Variants in PIEZO2 observed in about 807,000 individuals in gnomAD.
The protein encoded by PIEZO2 is piezo type mechanosensitive ion channel component 2.
PIEZO2 carries 172 observed loss-of-function variants against 337.3 expected under a neutral mutation model. That is an observed-to-expected ratio of 0.51 (90% CI 0.45 to 0.58). The LOEUF (loss-of-function observed/expected upper bound fraction) is 0.58. PIEZO2 is among the 20% of genes least tolerant of loss of function. The probability of loss-of-function intolerance (pLI) is 0.00; values close to 1 mark genes in which losing one functional copy is unlikely to be tolerated. For missense variants in PIEZO2, 3,028 were observed against 3,391.3 expected (o/e 0.89, Z 2.66); for synonymous variants, 1,251 against 1,228.5 (o/e 1.02, Z -0.38).
chr18:10,994,699 C>T (rs1047845271), intron 2 of PIEZO2, among the ~76,000 whole-genome samples: 3 of 151,868 alleles, frequency 2.0e-5, no homozygotes, highest in African/African-American at 7.3e-5. Context: ...TGAGCCAGCA[C>T]ACCCAGCCTA....
chr18:10,840,311 C>T (rs1019250858), intron 7 of PIEZO2, among the ~76,000 whole-genome samples: 2 of 152,066 alleles, frequency 1.3e-5, no homozygotes, highest in African/African-American at 2.4e-5. Flanking sequence ...TTACTTTCAT[C>T]GAGATGCATG....
chr18:10,760,563 C>T (rs932730783), intron 24 of PIEZO2, among the ~76,000 whole-genome samples: 6 of 152,138 alleles, frequency 3.9e-5, no homozygotes, highest in African/African-American at 1.4e-4. Context: ...CCTTGGCCTC[C>T]CAAAGTGCTG....
chr18:10,985,051 A>C (rs140797493), intron 2 of PIEZO2, among the ~76,000 whole-genome samples: 13 of 152,230 alleles, frequency 8.5e-5, no homozygotes, highest in Middle Eastern at 3.4e-3. Context: ...GGAAATTTAT[A>C]ACCACTAGAA....
In PIEZO2 at chr18:11,083,200, T is replaced by C. The variant is rs2038809832; in HGVS notation, c.65-16978A>G. Among the ~76,000 whole-genome samples, 1 of 152,244 alleles carries C rather than the reference T, an allele frequency of 6.6e-6. No individual in the cohort carries two copies. The highest frequency in any genetic ancestry group is 2.4e-5 in the African/African-American group (1 of 41,472). On this transcript the variant is annotated intron_variant, in intron 1 of 55. Transcript: ENST00000674853. The surrounding 1 kb of genome is among the most constrained non-coding windows in gnomAD (Gnocchi z 4.4). ...GACTTCTCTTAGACAAATGTGAATATGCTGATTTTACAGATGAAGACTATA... is the reference window on the plus strand; with the variant it reads ...GACTTCTCTTAGACAAATGTGAATACGCTGATTTTACAGATGAAGACTATA...
Position 10,726,990 on chromosome 18 carries a change from C to A in PIEZO2, c.5029+4417G>T, listed in dbSNP as rs1193766614. The A allele has an allele frequency of 8.3e-6, 9 of 1,082,422 alleles. No homozygotes were observed. The highest frequency in any genetic ancestry group is 1.2e-5 in the Non-Finnish European group (9 of 757,474). 67.1% of individuals were successfully genotyped at this position (1,082,422 alleles called of 1,614,324 possible). A position where few individuals can be genotyped will look rare whatever the true frequency, so the allele number is the denominator to read the frequency against. On this transcript the variant is annotated intron_variant, in intron 36 of 55. Coordinates refer to ENST00000674853, the MANE Select transcript of PIEZO2 (RefSeq NM_001378183.1). The surrounding 1 kb of genome is among the most constrained non-coding windows in gnomAD (Gnocchi z 5.9). ...GCCCTGGACAGAAGCTCCAGATAGGCCCCCAGAACATGAAGCTGTTTGCTC... is the reference window on the plus strand; with the variant it reads ...GCCCTGGACAGAAGCTCCAGATAGGACCCCAGAACATGAAGCTGTTTGCTC...
At position 11,022,055 on chromosome 18, in the gene PIEZO2, A is replaced by C. The variant is rs2036331835; in HGVS notation, c.161-42395T>G. Among the ~76,000 whole-genome samples the C allele has an allele frequency of 4.6e-5, 7 of 152,274 alleles. No homozygotes were observed. The South Asian group carries it at 1.5e-3, about 32-fold the overall frequency. ...CCAGACCTGAAACACTTTGTAATCG[A>C]TCTCTGCCTACTCTCACTCAAACAA... On this transcript the variant is annotated intron_variant, in intron 2 of 55. Transcript: ENST00000674853.
chr18:11,053,485 G>A (rs531738107), intron 2 of PIEZO2, among the ~76,000 whole-genome samples: 11 of 152,114 alleles, frequency 7.2e-5, no homozygotes, highest in South Asian at 2.1e-4. Context: ...ACAGGGTTTC[G>A]CAACATTGCC....
chr18:10,998,861 C>CAAA (rs10544415), intron 2 of PIEZO2, among the ~76,000 whole-genome samples: 2 of 118,812 alleles, frequency 1.7e-5, no homozygotes, highest in Admixed American at 8.7e-5. Flanking sequence ...TCAAATACAG[C>CAAA]AAAAAAAAAA....
At position 10,883,426 on chromosome 18, in the gene PIEZO2, C is replaced by A. The variant is rs969658060; in HGVS notation, c.330-12011G>T. On this transcript the variant is annotated intron_variant, in intron 4 of 55. Transcript: ENST00000674853. ...CCTTTTCTCCATATGCTCACCAGCA[C>A]CTCTTGTTGCTATTGTTACTGTTAT... Among the ~76,000 whole-genome samples, 5 of 152,022 alleles carry A rather than the reference C, an allele frequency of 3.3e-5. No homozygotes were observed. The East Asian group carries it at 9.6e-4, about 29-fold the overall frequency.
intron 3 of PIEZO2, among the ~76,000 whole-genome samples, chr18:10,941,581 G>A (rs950883280): frequency 6.6e-6 from 1 of 152,138 alleles, no homozygotes; most frequent in African/African-American, 2.4e-5. Context: ...AAAGGAATAC[G>A]TTTTCATTCT....
intron 2 of PIEZO2, among the ~76,000 whole-genome samples, chr18:11,044,897 C>G (rs1227858726): frequency 6.6e-6 from 1 of 151,962 alleles, no homozygotes. Context: ...GCTTGTAATC[C>G]CAGCACTTTG....
At chr18:11,135,782 G>A (rs1212336663) in intron 1 of PIEZO2, among the ~76,000 whole-genome samples, 2 of 152,144 alleles carry the variant, frequency 1.3e-5, no homozygotes, top group South Asian at 2.1e-4. Context: ...TCCTGACCTC[G>A]TGATCCGCCC....
chr18:10,774,567 G>C (rs1211602622), intron 18 of PIEZO2, among the ~76,000 whole-genome samples: 2 of 152,144 alleles, frequency 1.3e-5, no homozygotes, highest in South Asian at 2.1e-4. Flanking sequence ...GTGAGATCCT[G>C]AACCAGAGAA....
chr18:10,974,201 T>C (rs1344110209), intron 3 of PIEZO2, among the ~76,000 whole-genome samples: 1 of 152,226 alleles, frequency 6.6e-6, no homozygotes, highest in East Asian at 1.9e-4. Context: ...ACCTTGATTC[T>C]TGGCACTGGG....
intron 34 of PIEZO2, among the ~76,000 whole-genome samples, chr18:10,735,968 AG>A (rs1042593017): frequency 1.3e-5 from 2 of 152,226 alleles, no homozygotes; most frequent in African/African-American, 4.8e-5. Context: ...CTAATGACAA[AG>A]CCTCATCTTT....
rs557844088 is a variant in PIEZO2 at position 10,819,124 on chromosome 18, A to G, written c.918-11850T>C. Among the ~76,000 whole-genome samples the G allele has an allele frequency of 6.6e-6, 1 of 152,306 alleles. No homozygotes were observed. Among genetic ancestry groups the G allele is most frequent in the South Asian group, 2.1e-4 (1 of 4,828 alleles). On this transcript the variant is annotated intron_variant, in intron 7 of 55. Transcript: ENST00000674853. The surrounding 1 kb of genome is among the most constrained non-coding windows in gnomAD (Gnocchi z 4.3). ...AACTCTGAGAACTGCATTTAAGTACACCTAGACTCTTTACAGTAAAGCATT... is the reference window on the plus strand; with the variant it reads ...AACTCTGAGAACTGCATTTAAGTACGCCTAGACTCTTTACAGTAAAGCATT...
chr18:10,988,899 A>G lies in PIEZO2; in HGVS notation c.161-9239T>C, dbSNP rs368024207. Among the ~76,000 whole-genome samples, 4 of 152,254 alleles carry G rather than the reference A, an allele frequency of 2.6e-5. No homozygotes were observed. In the South Asian group the frequency reaches 8.3e-4, roughly 32 times the overall value. On this transcript the variant is annotated intron_variant, in intron 2 of 55. Coordinates refer to ENST00000674853, the MANE Select transcript of PIEZO2 (RefSeq NM_001378183.1). The surrounding 1 kb of genome is among the most constrained non-coding windows in gnomAD (Gnocchi z 4.8). ...AATAGCCTAACTTGTAGAAGCAGAG[A>G]GTAGAATGGTGGTTATAAGGGGCTG...
intron 4 of PIEZO2, among the ~76,000 whole-genome samples, chr18:10,907,661 C>T (rs2030078460): frequency 6.6e-6 from 1 of 152,076 alleles, no homozygotes. Context: ...GTTTCAAAGC[C>T]ACCCTCACTG....
At chr18:11,139,219 G>A (rs1316405344) in intron 1 of PIEZO2, among the ~76,000 whole-genome samples, 1 of 152,034 alleles carries the variant, frequency 6.6e-6, no homozygotes, top group Non-Finnish European at 1.5e-5. Context: ...CAAAAACAGG[G>A]GTCAATCTGA....
Sources: allele counts gnomAD v4.1 joint callset (sites outside exome capture counted in the v4.1 genomes callset), GRCh38; gene constraint gnomAD v4.1.1; non-coding constraint Gnocchi (gnomAD v3.1); transcripts MANE v1.5; gene names NCBI Gene and HGNC (gene_info 2026-07-23, HGNC 2026-07-21).